The following ELFN1 variants were observed in gnomAD, a reference collection of about 807,000 sequenced individuals.
The protein encoded by ELFN1 is protein ELFN1.
ELFN1 carries 6 observed loss-of-function variants against 7.6 expected under a neutral mutation model. The observed-to-expected ratio is 0.79, with a 90% CI of 0.43 to 1.56. The LOEUF (loss-of-function observed/expected upper bound fraction) is 1.56. Ranked by LOEUF, ELFN1 falls within the 40% of genes most tolerant of loss-of-function variation. ELFN1 has a pLI of 0.01. For missense variants in ELFN1, 1,169 were observed against 1,232.2 expected (o/e 0.95, Z 0.77); for synonymous variants, 657 against 588.1 (o/e 1.12, Z -1.70).
chr7:1,692,899 T>G (rs767101132), intron 2 of ELFN1: 9 of 180,326 alleles, frequency 5.0e-5, no homozygotes, highest in Non-Finnish European at 8.4e-5. Context: ...GGGGGCCACA[T>G]CAGCTTCCGC....
At chr7:1,711,841 G>A (rs1779666208) in intron 3 of ELFN1, among the ~76,000 whole-genome samples, 1 of 152,192 alleles carries the variant, frequency 6.6e-6, no homozygotes, top group Non-Finnish European at 1.5e-5. Flanking sequence ...GGAGCTCTTG[G>A]GAAGACAGGG....
chr7:1,738,320 G>A (rs940341699), intron 3 of ELFN1, among the ~76,000 whole-genome samples: 5 of 152,206 alleles, frequency 3.3e-5, no homozygotes, highest in Non-Finnish European at 1.5e-5. Flanking sequence ...GAGACCTGGC[G>A]GGGTATGGCC....
chr7:1,718,778 G>C (rs1018083054), intron 3 of ELFN1, among the ~76,000 whole-genome samples: 3 of 152,132 alleles, frequency 2.0e-5, no homozygotes, highest in Non-Finnish European at 4.4e-5. Flanking sequence ...CCCTGGCCGT[G>C]TTGGTTCAGA....
Position 1,746,514 on chromosome 7 carries a change from A to T in ELFN1, c.1918A>T (p.Thr640Ser), listed in dbSNP as rs1196094744. 1.0e-5 allele frequency: 15 copies of T among 1,471,996 alleles called. No homozygotes were observed. The highest frequency in any genetic ancestry group is 1.3e-5 in the Non-Finnish European group (15 of 1,121,356). The allele number at this position is 1,471,996 out of a possible 1,614,324, so 91.2% of individuals were successfully genotyped here. A position where few individuals can be genotyped will look rare whatever the true frequency, so the allele number is the denominator to read the frequency against. Residue 640 changes from threonine (T) to serine (S), a missense_variant, in exon 4 of 4, where the codon ACC becomes TCC. This residue lies in a region of ELFN1 where 914 missense variants were observed against 872.6 expected (regional missense o/e 1.05). Coordinates refer to ENST00000424383, the MANE Select transcript of ELFN1 (RefSeq NM_001128636.4). ...GGCCGCCGGGCCCCCTCGTGCCAGC[A>T]CCTCGTCCAGCGGCTCCGTGCGCAG... is the stretch of plus-strand genomic sequence containing the variant. ...VEAAGPPRASTSSSGSVRSPR... is the reference protein window; with the variant it reads ...VEAAGPPRASSSSSGSVRSPR...
rs1400818327 is a variant in ELFN1, at chr7:1,745,395, T to A, written c.799T>A (p.Ser267Thr). ...AEVVGPPRPA[S>T]GRSQPGRSPP... ...GGTGGTCGGGCCCCCACGTCCAGCA[T>A]CCGGGCGCTCACAGCCGGGCCGCTC... Residue 267 changes from serine to threonine, a missense_variant, in exon 4 of 4, where the codon TCC (serine) becomes ACC (threonine). Coordinates refer to ENST00000424383, the MANE Select transcript of ELFN1 (RefSeq NM_001128636.4). The A allele has an allele frequency of 6.5e-7, 1 of 1,539,012 alleles. No individual in the cohort carries two copies. The highest frequency in any genetic ancestry group is 8.7e-7 in the Non-Finnish European group (1 of 1,145,912).
chr7:1,727,726 A>G (rs896434668), intron 3 of ELFN1, among the ~76,000 whole-genome samples: 2 of 151,996 alleles, frequency 1.3e-5, no homozygotes, highest in Non-Finnish European at 2.9e-5. Context: ...CTCCTGCCTC[A>G]GCCTCCCAAG....
chr7:1,722,901 A>G (rs1021993989), intron 3 of ELFN1, among the ~76,000 whole-genome samples: 2 of 152,146 alleles, frequency 1.3e-5, no homozygotes, highest in Admixed American at 6.5e-5. Flanking sequence ...CTTTCTCTTT[A>G]AAAATTTTTT....
Position 1,725,900 on chromosome 7 carries a change from TCA to T in ELFN1, c.-294+16653_-294+16654del, listed in dbSNP as rs201556193. 7.0e-3 allele frequency among the ~76,000 whole-genome samples: 1,048 copies of T among 150,452 alleles called. 10 individuals are homozygous for T. Among genetic ancestry groups the T allele is most frequent in the African/African-American group, 0.024 (961 of 40,872 alleles). On this transcript the variant is annotated intron_variant, in intron 3 of 3. Transcript: ENST00000424383. ...ACAAAAATCACACACAAATACACAC[TCA>T]CACAAAAATCACACACAACACACCC...
chr7:1,677,370 C>A (rs749479092), intron 1 of ELFN1, among the ~76,000 whole-genome samples: 11 of 152,192 alleles, frequency 7.2e-5, no homozygotes, highest in Non-Finnish European at 1.5e-4. Context: ...GGCACCCCGG[C>A]TTCCTCCAGG....
intron 1 of ELFN1, among the ~76,000 whole-genome samples, chr7:1,685,150 C>T (rs1209601952): frequency 6.6e-6 from 1 of 152,188 alleles, no homozygotes; most frequent in Non-Finnish European, 1.5e-5. Context: ...CATTCCACCA[C>T]CTTCTTTCCT....
At chr7:1,699,115 C>A (rs539215257) in intron 2 of ELFN1, among the ~76,000 whole-genome samples, 2 of 152,186 alleles carry the variant, frequency 1.3e-5, no homozygotes, top group African/African-American at 4.8e-5. Flanking sequence ...GATGTGATGG[C>A]GGTTCCTTCC....
At position 1,673,397 on chromosome 7, in the gene ELFN1, C is replaced by T. The variant is rs1304687191; in HGVS notation, c.-549+3043C>T. 6.6e-6 allele frequency among the ~76,000 whole-genome samples: 1 copy of T among 152,182 alleles called. No homozygotes were observed. Among genetic ancestry groups the T allele is most frequent in the Non-Finnish European group, 1.5e-5 (1 of 68,028 alleles). On this transcript the variant is annotated intron_variant, in intron 1 of 3. Transcript: ENST00000424383. The surrounding 1 kb of genome is among the most constrained non-coding windows in gnomAD (Gnocchi z 4.7). ...CGTTGGGGGCTGCTGCCTCCCTTCACCCCTGTGCACCCTGAGCCAGTCAGT... is the reference window on the plus strand; with the variant it reads ...CGTTGGGGGCTGCTGCCTCCCTTCATCCCTGTGCACCCTGAGCCAGTCAGT...
chr7:1,680,141 A>G (rs923388852), intron 1 of ELFN1, among the ~76,000 whole-genome samples: 3 of 152,208 alleles, frequency 2.0e-5, no homozygotes, highest in Non-Finnish European at 4.4e-5. Flanking sequence ...TACGAAAGCA[A>G]AACAGGTGTT....
intron 3 of ELFN1, among the ~76,000 whole-genome samples, chr7:1,734,106 G>C (rs1395974835): frequency 1.3e-5 from 2 of 152,300 alleles, no homozygotes; most frequent in East Asian, 3.9e-4. Flanking sequence ...AGAGATTCAG[G>C]TCAGACTAAA....
In ELFN1 at chr7:1,675,487, G is replaced by A. The variant is rs189820853; in HGVS notation, c.-549+5133G>A. Reference sequence around the variant, plus strand: ...CTCCCCCGTGTTTACCGACAGATCCGAGTCTTATTTTCAGCAGGATCAAAC... The same window carrying A: ...CTCCCCCGTGTTTACCGACAGATCCAAGTCTTATTTTCAGCAGGATCAAAC... On this transcript the variant is annotated intron_variant, in intron 1 of 3. Coordinates refer to ENST00000424383, the MANE Select transcript of ELFN1 (RefSeq NM_001128636.4). Among the ~76,000 whole-genome samples, 70 of 152,356 alleles carry A rather than the reference G, an allele frequency of 4.6e-4. 1 individual carries two copies. The highest frequency in any genetic ancestry group is 2.9e-5 in the Non-Finnish European group (2 of 68,036).
At chr7:1,708,532 C>T (rs576371509) in intron 2 of ELFN1, among the ~76,000 whole-genome samples, 1 of 152,308 alleles carries the variant, frequency 6.6e-6, no homozygotes, top group Admixed American at 6.5e-5. Flanking sequence ...TGCTCCCAGG[C>T]AGTTGGGGTG....
chr7:1,694,787 C>T (rs1779265045), intron 2 of ELFN1, among the ~76,000 whole-genome samples: 1 of 152,242 alleles, frequency 6.6e-6, no homozygotes, highest in Non-Finnish European at 1.5e-5. Context: ...ACTCTGAGGG[C>T]TGCTGGCTGC....
chr7:1,731,493 G>C (rs1176315797), intron 3 of ELFN1, among the ~76,000 whole-genome samples: 1 of 152,180 alleles, frequency 6.6e-6, no homozygotes, highest in African/African-American at 2.4e-5. Flanking sequence ...CCACACAGAG[G>C]CCTCATGAGA....
intron 1 of ELFN1, among the ~76,000 whole-genome samples, chr7:1,671,533 A>G (rs1778767256): frequency 6.6e-6 from 1 of 152,146 alleles, no homozygotes. Context: ...GGGAGCCAGG[A>G]GCAGATGTAA....
Sources: allele counts gnomAD v4.1 joint callset (sites outside exome capture counted in the v4.1 genomes callset), GRCh38; gene constraint gnomAD v4.1.1; regional missense constraint gnomAD v4.1.1; non-coding constraint Gnocchi (gnomAD v3.1); transcripts MANE v1.5; gene names NCBI Gene and HGNC (gene_info 2026-07-23, HGNC 2026-07-21).